ICA1L: variants seen among roughly 807,000 people sequenced by gnomAD.
The protein encoded by ICA1L is islet cell autoantigen 1 like.
A neutral mutation model predicts 61.3 loss-of-function variants in ICA1L; 50 were observed. The observed-to-expected ratio is 0.82, with a 90% CI of 0.65 to 1.03. The LOEUF (loss-of-function observed/expected upper bound fraction) is 1.03. ICA1L is among the 50% of genes least tolerant of loss of function. The pLI is 0.00. For missense variants in ICA1L, 508 were observed against 556.7 expected, an observed-to-expected ratio of 0.91 and a Z score of 0.88; for synonymous variants, 161 against 191.3, an observed-to-expected ratio of 0.84 and a Z score of 1.31.
chr2:202,793,500 A>T (rs1243538580), intron 10 of ICA1L, among the ~76,000 whole-genome samples: 12 of 139,092 alleles, frequency 8.6e-5, no homozygotes, highest in Admixed American at 1.4e-4. Flanking sequence ...CTACTAAAAA[A>T]AAAAAAAAAA....
intron 9 of ICA1L, among the ~76,000 whole-genome samples, chr2:202,810,731 C>T (rs1693352520): frequency 6.6e-6 from 1 of 152,146 alleles, no homozygotes; most frequent in African/African-American, 2.4e-5. Context: ...GGAGAAATAT[C>T]GCTGGATTCT....
At chr2:202,836,625 G>C (rs942633061) in intron 1 of ICA1L, among the ~76,000 whole-genome samples, 4 of 151,950 alleles carry the variant, frequency 2.6e-5, no homozygotes, top group Non-Finnish European at 4.4e-5. Context: ...GCATCATCAA[G>C]TTTGGCCTTT....
intron 1 of ICA1L, among the ~76,000 whole-genome samples, chr2:202,832,517 A>G (rs567731617): frequency 6.6e-6 from 1 of 152,230 alleles, no homozygotes; most frequent in East Asian, 1.9e-4. Context: ...ACATATACAC[A>G]GACTTAAAGT....
At chr2:202,821,301 CAT>C (rs1292102720) in intron 4 of ICA1L, 55 bp downstream of exon 4, 4 of 1,558,220 alleles carry the variant, frequency 2.6e-6, no homozygotes, top group East Asian at 2.3e-5. Flanking sequence ...TTTAAGTACA[CAT>C]GTCAAAACTG....
In ICA1L at chr2:202,773,525, G is replaced by T. The variant is rs1692119577; in HGVS notation, c.*6008C>A. 2.8e-6 allele frequency: 1 copy of T among 355,776 alleles called. No homozygotes were observed. The highest frequency in any genetic ancestry group is 2.1e-5 in the African/African-American group (1 of 48,284). 22.0% of individuals were successfully genotyped at this position (355,776 alleles called of 1,614,324 possible). A position where few individuals can be genotyped will look rare whatever the true frequency, so the allele number is the denominator to read the frequency against. ...TTCTTCTGATAAAGCAGTTATGTCAGAGCCTTCAAAAAACACGGGCAGAAC... is the reference window on the plus strand; with the variant it reads ...TTCTTCTGATAAAGCAGTTATGTCATAGCCTTCAAAAAACACGGGCAGAAC... On this transcript the variant is annotated 3_prime_UTR_variant, in exon 13 of 13. Coordinates refer to ENST00000358299, the MANE Select transcript of ICA1L (RefSeq NM_001288622.3).
intron 1 of ICA1L, among the ~76,000 whole-genome samples, chr2:202,848,767 C>T (rs1276742138): frequency 1.3e-5 from 2 of 151,960 alleles, no homozygotes; most frequent in Admixed American, 6.6e-5. Context: ...AGTCATGCAC[C>T]GCATAATGAC....
chr2:202,838,627 T>C (rs1694218232), intron 1 of ICA1L, among the ~76,000 whole-genome samples: 1 of 151,410 alleles, frequency 6.6e-6, no homozygotes, highest in South Asian at 2.1e-4. Context: ...TATTTGCAAT[T>C]ATTATATCTT....
At chr2:202,821,289 A>G in intron 4 of ICA1L, 69 bp downstream of exon 4, 1 of 1,514,670 alleles carries the variant, frequency 6.6e-7, no homozygotes, top group Non-Finnish European at 9.0e-7. Context: ...CAAATATGCA[A>G]ATTTAAGTAC....
chr2:202,863,046 C>T (rs990233425), intron 1 of ICA1L, among the ~76,000 whole-genome samples: 1 of 151,836 alleles, frequency 6.6e-6, no homozygotes, highest in African/African-American at 2.4e-5. Context: ...AATCCCAACA[C>T]TTTGGGAGGC....
At chr2:202,794,408 G>A (rs1021770460) in intron 10 of ICA1L, among the ~76,000 whole-genome samples, 3 of 151,320 alleles carry the variant, frequency 2.0e-5, no homozygotes, top group Admixed American at 6.6e-5. Flanking sequence ...AAGTAAGTAT[G>A]GATGGATGCT....
intron 8 of ICA1L, among the ~76,000 whole-genome samples, chr2:202,813,518 T>C (rs1315600610): frequency 1.3e-5 from 2 of 152,216 alleles, no homozygotes; most frequent in Admixed American, 6.5e-5. Context: ...TTCAAGATCA[T>C]GGCCTTGGCT....
chr2:202,848,592 C>T (rs565015312), intron 1 of ICA1L, among the ~76,000 whole-genome samples: 2 of 152,284 alleles, frequency 1.3e-5, no homozygotes, highest in Admixed American at 6.5e-5. Flanking sequence ...AAATTATTTA[C>T]TATTTGGCCA....
At chr2:202,871,041 C>G (rs1399148181) in intron 1 of ICA1L, 2 of 152,234 alleles carry the variant, frequency 1.3e-5, no homozygotes, top group African/African-American at 4.8e-5. Context: ...CGGGCCCGTG[C>G]ATTCTGCAGT....
Position 202,785,947 on chromosome 2 carries a change from G to A in ICA1L, c.1304C>T (p.Pro435Leu), listed in dbSNP as rs1692565257. The change falls in exon 12 of 13, where the codon CCT becomes CTT. Residue 435 changes from proline (P) to leucine (L), a missense_variant. Coordinates refer to ENST00000358299, the MANE Select transcript of ICA1L (RefSeq NM_001288622.3). ...TGTTAATTTCTTTGGACTCTGTGAA[G>A]GCACTGGCTGGTTATCAGTGTGTGA... is the stretch of plus-strand genomic sequence containing the variant. Reference protein sequence around the residue: ...CLSHTDNQPVPSQSPKKLTRS... With the variant: ...CLSHTDNQPVLSQSPKKLTRS... 6.2e-7 allele frequency: 1 copy of A among 1,605,202 alleles called. No individual in the cohort carries two copies. Among genetic ancestry groups the A allele is most frequent in the Non-Finnish European group, 8.5e-7 (1 of 1,172,900 alleles).
At chr2:202,856,269 A>G (rs1280195541) in intron 1 of ICA1L, among the ~76,000 whole-genome samples, 4 of 152,152 alleles carry the variant, frequency 2.6e-5, no homozygotes, top group African/African-American at 9.7e-5. Context: ...CATATCAAAA[A>G]GCTTATCCAC....
In ICA1L at chr2:202,849,752, T is replaced by TG. The variant is rs1559147471; in HGVS notation, c.-7-20737dup. Among the ~76,000 whole-genome samples, 2 of 152,206 alleles carry TG rather than the reference T, an allele frequency of 1.3e-5. No individual in the cohort carries two copies. Among genetic ancestry groups the TG allele is most frequent in the Non-Finnish European group, 2.9e-5 (2 of 68,038 alleles). On this transcript the variant is annotated intron_variant, in intron 1 of 12. Transcript: ENST00000358299. This position sits in a 1 kb window ranked among gnomAD's most constrained non-coding sequence, Gnocchi z 4.5. ...GCCTGCTGGCTCTGAAGAGAGCATC[T>TG]GATCCTGACAAGGAGGATTCTCCCA...
At chr2:202,848,883 C>T (rs1305932468) in intron 1 of ICA1L, among the ~76,000 whole-genome samples, 1 of 152,078 alleles carries the variant, frequency 6.6e-6, no homozygotes, top group Non-Finnish European at 1.5e-5. Flanking sequence ...GTCTGCAGCT[C>T]CCAGGGAGAC....
chr2:202,841,128 G>A, intron 1 of ICA1L: 1 of 640,610 alleles, frequency 1.6e-6, no homozygotes, highest in Non-Finnish European at 2.9e-6. Flanking sequence ...GATCTCTTCA[G>A]TCAGCCCTTC....
intron 5 of ICA1L, among the ~76,000 whole-genome samples, chr2:202,818,562 CAT>C (rs904843343): frequency 2.6e-4 from 40 of 152,244 alleles, no homozygotes; most frequent in Admixed American, 7.8e-4. Flanking sequence ...TGAATTCCCA[CAT>C]GTTATGGGAG....
Sources: allele counts gnomAD v4.1 joint callset (sites outside exome capture counted in the v4.1 genomes callset), GRCh38; gene constraint gnomAD v4.1.1; non-coding constraint Gnocchi (gnomAD v3.1); transcripts MANE v1.5; gene names NCBI Gene and HGNC (gene_info 2026-07-23, HGNC 2026-07-21).